CSMD3: variants seen among roughly 807,000 people sequenced by gnomAD.
CSMD3 encodes CUB and Sushi multiple domains 3.
A neutral mutation model predicts 435.2 loss-of-function variants in CSMD3; 177 were observed. The ratio of observed to expected loss-of-function variants is 0.41; its 90% CI spans 0.36 to 0.46. CSMD3 has a LOEUF of 0.46. CSMD3 is among the 20% of genes least tolerant of loss of function. The probability of loss-of-function intolerance (pLI) is 0.34; values close to 1 mark genes in which losing one functional copy is unlikely to be tolerated. For synonymous variants in CSMD3, 1,656 were observed against 1,520.5 expected (o/e 1.09, Z -2.07); for missense variants, 4,265 against 4,504.6 (o/e 0.95, Z 1.52).
chr8:113,423,333 G>T (rs542553490), intron 1 of CSMD3, among the ~76,000 whole-genome samples: 91 of 151,932 alleles, frequency 6.0e-4, no homozygotes, highest in Non-Finnish European at 1.1e-3. Flanking sequence ...TTCTTGGCTG[G>T]TGTACCTCTT....
intron 1 of CSMD3, among the ~76,000 whole-genome samples, chr8:113,353,071 T>C (rs941138359): frequency 2.0e-5 from 3 of 152,110 alleles, no homozygotes; most frequent in Non-Finnish European, 4.4e-5. Flanking sequence ...AGTTTCAAAG[T>C]AGTGCCAGTG....
chr8:112,902,697 C>T (rs2082139208), intron 10 of CSMD3, among the ~76,000 whole-genome samples: 1 of 151,384 alleles, frequency 6.6e-6, no homozygotes. Flanking sequence ...GATTTACTGA[C>T]TCTTGGATTG....
intron 5 of CSMD3, among the ~76,000 whole-genome samples, chr8:113,032,784 A>G (rs1025725727): frequency 6.6e-6 from 1 of 151,594 alleles, no homozygotes; most frequent in Non-Finnish European, 1.5e-5. Context: ...AGGGCATGTC[A>G]GAGAACTTCA....
chr8:112,905,654 T>G (rs2082241944), intron 10 of CSMD3, among the ~76,000 whole-genome samples: 1 of 151,456 alleles, frequency 6.6e-6, no homozygotes, highest in East Asian at 2.0e-4. Context: ...CAAGGTTTCT[T>G]TCCTATAATG....
intron 24 of CSMD3, among the ~76,000 whole-genome samples, chr8:112,570,840 AGATAT>A (rs1829447211): frequency 6.6e-6 from 1 of 152,176 alleles, no homozygotes; most frequent in Non-Finnish European, 1.5e-5. Flanking sequence ...TTTTGTTTAC[AGATAT>A]GATATGGAAA....
intron 32 of CSMD3, among the ~76,000 whole-genome samples, chr8:112,448,410 C>A (rs573298493): frequency 6.6e-6 from 1 of 152,208 alleles, no homozygotes; most frequent in African/African-American, 2.4e-5. Context: ...AATCCAATGG[C>A]TGGTGTCTTT....
intron 50 of CSMD3, among the ~76,000 whole-genome samples, chr8:112,309,442 TA>T (rs1399124551): frequency 2.0e-5 from 3 of 151,798 alleles, no homozygotes; most frequent in Admixed American, 6.6e-5. Context: ...TTATTTAAAA[TA>T]TATATATTAT....
At chr8:112,736,048 C>G (rs550351840) in intron 13 of CSMD3, among the ~76,000 whole-genome samples, 1 of 152,086 alleles carries the variant, frequency 6.6e-6, no homozygotes, top group Admixed American at 6.6e-5. Context: ...TTAAATTATA[C>G]TTTAGGAGCC....
intron 1 of CSMD3, among the ~76,000 whole-genome samples, chr8:113,328,324 G>GCTA (rs1314289320): frequency 1.3e-5 from 2 of 149,500 alleles, no homozygotes; most frequent in Admixed American, 6.6e-5. Context: ...TGTAGTCCCA[G>GCTA]CTACTTGGGA....
chr8:112,664,746 C>A (rs931726429), intron 17 of CSMD3, among the ~76,000 whole-genome samples: 1 of 152,052 alleles, frequency 6.6e-6, no homozygotes, highest in African/African-American at 2.4e-5. Flanking sequence ...GACATAAACA[C>A]ACACACACAG....
At chr8:113,283,609 G>GAAC (rs1376267506) in intron 2 of CSMD3, among the ~76,000 whole-genome samples, 2 of 152,048 alleles carry the variant, frequency 1.3e-5, no homozygotes, top group African/African-American at 4.8e-5. Context: ...AGTGATCAGA[G>GAAC]AACACGTCTA....
At chr8:113,238,224 A>G (rs1055628052) in intron 3 of CSMD3, among the ~76,000 whole-genome samples, 9 of 152,110 alleles carry the variant, frequency 5.9e-5, no homozygotes, top group Admixed American at 4.6e-4. Flanking sequence ...AATACACACC[A>G]TTGTAGGTTA....
chr8:112,587,422 A>G (rs1327454492), intron 22 of CSMD3, among the ~76,000 whole-genome samples, 187 bp from the exon 23 acceptor site: 1 of 151,780 alleles, frequency 6.6e-6, no homozygotes, highest in Admixed American at 6.6e-5. Context: ...GGAAGAGACT[A>G]CAGCCCATGG....
intron 2 of CSMD3, among the ~76,000 whole-genome samples, chr8:113,306,276 G>A (rs1319503943): frequency 6.6e-6 from 1 of 152,100 alleles, no homozygotes; most frequent in African/African-American, 2.4e-5. Flanking sequence ...TATTATATAA[G>A]AGAGAGAATC....
chr8:113,405,046 A>G (rs1261153875), intron 1 of CSMD3, among the ~76,000 whole-genome samples: 1 of 151,536 alleles, frequency 6.6e-6, no homozygotes, highest in Admixed American at 6.6e-5. Context: ...CAGTGAGTAA[A>G]TGATCATCAC....
chr8:112,285,147 T>A (rs1216192831), intron 58 of CSMD3, among the ~76,000 whole-genome samples: 2 of 152,058 alleles, frequency 1.3e-5, no homozygotes, highest in Non-Finnish European at 2.9e-5. Flanking sequence ...TCTCCTTTTA[T>A]CCATAATATG....
intron 12 of CSMD3, among the ~76,000 whole-genome samples, chr8:112,828,208 T>A (rs2132469794): frequency 6.6e-6 from 1 of 152,336 alleles, no homozygotes; most frequent in South Asian, 2.1e-4. Flanking sequence ...GCTCAAATTG[T>A]TGCTCAGGTG....
In CSMD3 at chr8:112,499,356, A is replaced by G. The variant is rs1013545257; in HGVS notation, c.5083+4434T>C. On this transcript the variant is annotated intron_variant, in intron 30 of 70. Coordinates refer to ENST00000297405, the MANE Select transcript of CSMD3 (RefSeq NM_198123.2). ...ATTTTAAGAAAAATGGCAAATTAAG[A>G]ATAGTAGATTTTACCCAACTATTTC... 1.1e-4 allele frequency among the ~76,000 whole-genome samples: 17 copies of G among 152,236 alleles called. No individual in the cohort carries two copies. The East Asian group carries it at 3.1e-3, about 28-fold the overall frequency.
At chr8:112,271,027 C>T (rs1025570661) in intron 59 of CSMD3, among the ~76,000 whole-genome samples, 20 of 152,060 alleles carry the variant, frequency 1.3e-4, no homozygotes, top group Non-Finnish European at 2.5e-4. Flanking sequence ...TATAATCAAT[C>T]TTGCTGATTT....
Sources: gnomAD v4.1 joint callset for allele counts (sites outside exome capture counted in the v4.1 genomes callset) on GRCh38, gnomAD v4.1.1 for gene constraint, MANE v1.5 for transcripts, NCBI Gene and HGNC (gene_info 2026-07-23, HGNC 2026-07-21) for gene names.